The following FBXL17 variants were observed in gnomAD, a reference collection of about 807,000 sequenced individuals.
FBXL17 encodes the protein F-box and leucine rich repeat protein 17, also known as F-box/LRR-repeat protein 17.
FBXL17 carries 22 observed loss-of-function variants against 66.2 expected under a neutral mutation model. The observed-to-expected ratio is 0.33, with a 90% CI of 0.24 to 0.47. FBXL17 has a LOEUF of 0.47. Among genes scored for constraint, FBXL17 ranks in the 20% least tolerant of loss-of-function variants. The pLI is 1.00. For missense variants in FBXL17, 878 were observed against 948.2 expected, an observed-to-expected ratio of 0.93 and a Z score of 0.97; for synonymous variants, 474 against 400.5, an observed-to-expected ratio of 1.18 and a Z score of -2.19.
chr5:108,090,988 T>C (rs1403799921), intron 6 of FBXL17, among the ~76,000 whole-genome samples: 1 of 152,206 alleles, frequency 6.6e-6, no homozygotes, highest in Non-Finnish European at 1.5e-5. Flanking sequence ...ACTAAGTTTT[T>C]GTTGTTGTTG....
At chr5:108,102,599 T>C (rs1749644008) in intron 6 of FBXL17, among the ~76,000 whole-genome samples, 1 of 152,214 alleles carries the variant, frequency 6.6e-6, no homozygotes, top group Non-Finnish European at 1.5e-5. Context: ...GGCTACTCTG[T>C]TGGTCAGAAG....
chr5:107,929,344 G>A (rs1750650381), intron 7 of FBXL17, among the ~76,000 whole-genome samples: 1 of 152,058 alleles, frequency 6.6e-6, no homozygotes, highest in African/African-American at 2.4e-5. Flanking sequence ...TTACTTAAAA[G>A]AGCCATATTT....
At chr5:108,272,356 A>T (rs888855463) in intron 4 of FBXL17, among the ~76,000 whole-genome samples, 4 of 145,646 alleles carry the variant, frequency 2.7e-5, no homozygotes, top group Non-Finnish European at 6.0e-5. Context: ...GTTAGCTATA[A>T]TTTTTTTTTT....
chr5:108,359,931 C>T (rs2112543590), intron 3 of FBXL17, among the ~76,000 whole-genome samples: 3 of 152,194 alleles, frequency 2.0e-5, no homozygotes, highest in Middle Eastern at 6.8e-3. Context: ...ATTCCTCTCT[C>T]CAAGTCTTTC....
chr5:108,360,567 C>A (rs1434219240), intron 3 of FBXL17, among the ~76,000 whole-genome samples: 2 of 152,188 alleles, frequency 1.3e-5, no homozygotes, highest in East Asian at 3.9e-4. Flanking sequence ...CAGTGTATAT[C>A]TCTTTGACAT....
chr5:107,868,733 G>A (rs1256850548), intron 8 of FBXL17, among the ~76,000 whole-genome samples: 2 of 152,246 alleles, frequency 1.3e-5, no homozygotes, highest in African/African-American at 4.8e-5. Context: ...GAAGCCTGCA[G>A]TAGGCACCTG....
chr5:108,200,071 G>C (rs111512609), intron 5 of FBXL17, among the ~76,000 whole-genome samples: 1 of 152,106 alleles, frequency 6.6e-6, no homozygotes, highest in Non-Finnish European at 1.5e-5. Context: ...GTGTTACTGG[G>C]ACCCACAAGC....
intron 6 of FBXL17, among the ~76,000 whole-genome samples, chr5:108,164,382 C>T (rs952482288): frequency 6.6e-5 from 10 of 152,136 alleles, no homozygotes; most frequent in African/African-American, 2.4e-4. Flanking sequence ...ATATATCACT[C>T]ATTTGGTAAT....
At chr5:107,923,015 G>A (rs958813109) in intron 7 of FBXL17, among the ~76,000 whole-genome samples, 3 of 152,190 alleles carry the variant, frequency 2.0e-5, no homozygotes, top group Non-Finnish European at 2.9e-5. Flanking sequence ...TGCAGAGAAA[G>A]CTTGTCAGAC....
chr5:108,099,617 C>G (rs1041095434), intron 6 of FBXL17, among the ~76,000 whole-genome samples: 1 of 152,100 alleles, frequency 6.6e-6, no homozygotes. Flanking sequence ...TTTCCTTGGC[C>G]TCAACTTACC....
intron 7 of FBXL17, among the ~76,000 whole-genome samples, chr5:107,991,748 T>C (rs1753260162): frequency 6.6e-6 from 1 of 152,194 alleles, no homozygotes; most frequent in Non-Finnish European, 1.5e-5. Flanking sequence ...CTATCTTTGG[T>C]ATTTAAATAC....
chr5:108,041,391 G>A (rs1025116733), intron 6 of FBXL17, among the ~76,000 whole-genome samples: 5 of 151,996 alleles, frequency 3.3e-5, no homozygotes, highest in African/African-American at 9.7e-5. Context: ...TTGACACTAA[G>A]CAAATTGCCT....
At chr5:108,229,082 A>G (rs1387224524) in intron 4 of FBXL17, among the ~76,000 whole-genome samples, 2 of 152,144 alleles carry the variant, frequency 1.3e-5, no homozygotes, top group East Asian at 1.9e-4. Context: ...AAATCTGTAG[A>G]TTGCTTTTAG....
intron 8 of FBXL17, 42 bp downstream of exon 8, chr5:107,880,995 A>T (rs376772428): frequency 4.0e-5 from 65 of 1,613,838 alleles, no homozygotes; most frequent in Admixed American, 8.3e-5. Flanking sequence ...TATTAACTAT[A>T]CTGATATGTA....
At chr5:107,960,824 G>A (rs1751872212) in intron 7 of FBXL17, among the ~76,000 whole-genome samples, 2 of 152,112 alleles carry the variant, frequency 1.3e-5, no homozygotes, top group African/African-American at 4.8e-5. Context: ...TTCATGCCAG[G>A]TACTGTGCTG....
At position 108,210,072 on chromosome 5, in the gene FBXL17, C is replaced by T. The variant is rs184016290; in HGVS notation, c.1614+14049G>A. Among the ~76,000 whole-genome samples the T allele has an allele frequency of 3.5e-3, 535 of 152,264 alleles. 4 individuals are homozygous for T. The highest frequency in any genetic ancestry group is 0.013 in the African/African-American group (520 of 41,556). ...TATGTGTCCAGGAATGTATCCATTT[C>T]TTCCAGATTTTCTAGTTTATTTGCA... On this transcript the variant is annotated intron_variant, in intron 5 of 8. Coordinates refer to ENST00000542267, the MANE Select transcript of FBXL17 (RefSeq NM_001163315.3).
At chr5:108,159,374 T>A (rs1419576067) in intron 6 of FBXL17, among the ~76,000 whole-genome samples, 1 of 152,192 alleles carries the variant, frequency 6.6e-6, no homozygotes, top group Non-Finnish European at 1.5e-5. Flanking sequence ...ACGGTGTGAA[T>A]GTCTGTGTCC....
chr5:107,937,423 A>T (rs1348941848), intron 7 of FBXL17, among the ~76,000 whole-genome samples: 1 of 152,168 alleles, frequency 6.6e-6, no homozygotes, highest in Non-Finnish European at 1.5e-5. Context: ...AAAGCCTGTG[A>T]GGCAGTCATT....
At chr5:108,183,360 A>C (rs12657542) in intron 6 of FBXL17, among the ~76,000 whole-genome samples, 18,466 of 152,168 alleles carry the variant, frequency 0.12, 1,339 homozygotes, top group Admixed American at 0.16. Flanking sequence ...TTTTAATTCA[A>C]TGCATTACCA....
Sources: gnomAD v4.1 joint callset for allele counts (sites outside exome capture counted in the v4.1 genomes callset) on GRCh38, gnomAD v4.1.1 for gene constraint, MANE v1.5 for transcripts, NCBI Gene and HGNC (gene_info 2026-07-23, HGNC 2026-07-21) for gene names.